The following ZBTB37 variants were observed in gnomAD, a reference collection of about 807,000 sequenced individuals.
The protein encoded by ZBTB37 is zinc finger and BTB domain containing 37.
ZBTB37 carries 15 observed loss-of-function variants against 37.7 expected under a neutral mutation model. The observed-to-expected ratio is 0.40, with a 90% CI of 0.27 to 0.61. ZBTB37 has a LOEUF of 0.61. ZBTB37 is among the 20% of genes least tolerant of loss of function. The probability of loss-of-function intolerance (pLI) is 0.44; values close to 1 mark genes in which losing one functional copy is unlikely to be tolerated. For synonymous variants in ZBTB37, 231 were observed against 220.6 expected (o/e 1.05, Z -0.42); for missense variants, 514 against 641.9 (o/e 0.80, Z 2.15).
intron 2 of ZBTB37, among the ~76,000 whole-genome samples, chr1:173,869,482 G>A (rs1477386007): frequency 1.3e-5 from 2 of 152,218 alleles, no homozygotes; most frequent in African/African-American, 4.8e-5. Context: ...CAGGATGGAA[G>A]TATTCATCAC....
chr1:173,887,342 A>G (rs1023097718), downstream of ZBTB37: 1 of 152,218 alleles, frequency 6.6e-6, no homozygotes, highest in Non-Finnish European at 1.5e-5. Flanking sequence ...AACCATCAGC[A>G]AACCATAGCT....
chr1:173,891,935 C>G (rs1656859432), exon 4 of ZBTB37: 3 of 152,122 alleles, frequency 2.0e-5, no homozygotes, highest in Admixed American at 1.3e-4. Context: ...AAGTGAGTAA[C>G]TAGCTTTCTA....
chr1:173,871,202 C>T, intron 3 of ZBTB37, 54 bp downstream of exon 3: 1 of 1,472,186 alleles, frequency 6.8e-7, no homozygotes, highest in African/African-American at 1.4e-5. Context: ...GTAGACATCA[C>T]TAAAGTGTCC....
At chr1:173,902,959 G>C (rs1657326625) in exon 4 of ZBTB37, 1 of 152,168 alleles carries the variant, frequency 6.6e-6, no homozygotes, top group East Asian at 1.9e-4. Flanking sequence ...AAGTTTCACT[G>C]GGGAAAAACT....
chr1:173,873,686 A>G (rs1655719804), intron 4 of ZBTB37, 120 bp downstream of exon 4: 2 of 1,439,474 alleles, frequency 1.4e-6, no homozygotes, highest in Non-Finnish European at 1.8e-6. Context: ...TTAAAGAAAT[A>G]CTGTATTTTT....
chr1:173,872,403 C>T (rs756495080), intron 3 of ZBTB37, among the ~76,000 whole-genome samples: 1 of 152,034 alleles, frequency 6.6e-6, no homozygotes, highest in African/African-American at 2.4e-5. Flanking sequence ...GATGAAGTCT[C>T]ACTCTGTTGC....
chr1:173,882,643 T>A (rs1656401039), intron 4 of ZBTB37, among the ~76,000 whole-genome samples: 1 of 152,214 alleles, frequency 6.6e-6, no homozygotes, highest in Non-Finnish European at 1.5e-5. Context: ...TTAGTCATGA[T>A]GTCCTTGCCC....
chr1:173,871,177 T>C (rs1224143629), intron 3 of ZBTB37, 29 bp downstream of exon 3: 1 of 1,546,770 alleles, frequency 6.5e-7, no homozygotes. Context: ...GGTTTTCCCA[T>C]GTAATGGCTA....
intron 3 of ZBTB37, among the ~76,000 whole-genome samples, chr1:173,871,682 CT>C (rs1215194007): frequency 6.6e-6 from 1 of 152,178 alleles, no homozygotes; most frequent in African/African-American, 2.4e-5. Context: ...TTTTTCATCT[CT>C]TTTTTCCCTT....
chr1:173,878,383 C>T (rs1268898273), intron 4 of ZBTB37, among the ~76,000 whole-genome samples: 1 of 152,010 alleles, frequency 6.6e-6, no homozygotes, highest in Non-Finnish European at 1.5e-5. Flanking sequence ...GTTTTAGTAC[C>T]AATAAGTCTT....
At chr1:173,890,719 A>G (rs1437593912), downstream of ZBTB37, 1 of 152,230 alleles carries the variant, frequency 6.6e-6, no homozygotes, top group African/African-American at 2.4e-5. Context: ...TTTCCAGGCC[A>G]AATGCTGAGG....
At chr1:173,875,330 A>AT (rs1194584064) in intron 4 of ZBTB37, among the ~76,000 whole-genome samples, 4,595 of 122,398 alleles carry the variant, frequency 0.038, 136 homozygotes, top group African/African-American at 0.091. Context: ...ATATATATAT[A>AT]TTTTTTTTTT....
chr1:173,870,760 A>C, exon 3 of ZBTB37: 2 of 1,614,220 alleles, frequency 1.2e-6, no homozygotes, highest in Non-Finnish European at 1.7e-6. Context: ...AGGTCAGGTT[A>C]GTGCTGTGCT....
chr1:173,876,051 G>T (rs1398400220), intron 4 of ZBTB37, among the ~76,000 whole-genome samples: 10 of 152,132 alleles, frequency 6.6e-5, no homozygotes. Context: ...ACACATTCTA[G>T]AAAGGATAGG....
exon 4 of ZBTB37, chr1:173,894,831 CTT>C (rs1030883359): frequency 1.3e-5 from 2 of 151,890 alleles, no homozygotes; most frequent in African/African-American, 2.4e-5. Context: ...TGTCTTGACT[CTT>C]TGGTGTTTAT....
chr1:173,885,651 A>G (rs1329696905), exon 5 of ZBTB37: 36 of 1,551,608 alleles, frequency 2.3e-5, no homozygotes, highest in South Asian at 4.8e-5. Flanking sequence ...AGAGTCAGCA[A>G]TGATGGGAGT....
chr1:173,887,360 C>T (rs971573039), downstream of ZBTB37: 4 of 152,282 alleles, frequency 2.6e-5, no homozygotes, highest in Middle Eastern at 3.4e-3. Flanking sequence ...GCTGGTGACT[C>T]CAAGAGCTTT....
downstream of ZBTB37, chr1:173,889,713 A>G (rs1003876967): frequency 1.3e-5 from 2 of 152,342 alleles, no homozygotes; most frequent in South Asian, 4.1e-4. Flanking sequence ...TTACCTCTGA[A>G]CCAAGTTGAA....
intron 4 of ZBTB37, among the ~76,000 whole-genome samples, chr1:173,876,177 C>T (rs1172002360): frequency 6.6e-6 from 1 of 151,802 alleles, no homozygotes; most frequent in Non-Finnish European, 1.5e-5. Flanking sequence ...CTCATGAACT[C>T]ACCAAGTAGA....
Sources: gnomAD v4.1 joint callset for allele counts (sites outside exome capture counted in the v4.1 genomes callset) on GRCh38, gnomAD v4.1.1 for gene constraint, MANE v1.5 for transcripts, NCBI Gene and HGNC (gene_info 2026-07-23, HGNC 2026-07-21) for gene names.